MKLN1: variants seen among roughly 807,000 people sequenced by gnomAD.
MKLN1 encodes muskelin 1, also known as muskelin.
MKLN1 carries 18 observed loss-of-function variants against 99.0 expected under a neutral mutation model. The observed-to-expected ratio is 0.18, with a 90% CI of 0.13 to 0.27. The LOEUF is 0.27. MKLN1 is among the 10% of genes least tolerant of loss of function. The pLI, the probability that MKLN1 is intolerant of heterozygous loss-of-function variation, is 1.00. For missense variants in MKLN1, 621 were observed against 875.9 expected (o/e 0.71, Z 3.67); for synonymous variants, 288 against 293.2 (o/e 0.98, Z 0.18).
intron 3 of MKLN1, among the ~76,000 whole-genome samples, chr7:131,212,283 G>C (rs1796917381): frequency 6.6e-6 from 1 of 152,190 alleles, no homozygotes; most frequent in South Asian, 2.1e-4. Context: ...CCTGAAGGCT[G>C]TTTTGAGGCA....
At chr7:131,182,885 G>T (rs2250235) in intron 2 of MKLN1, among the ~76,000 whole-genome samples, 23,284 of 152,198 alleles carry the variant, frequency 0.15, 2,295 homozygotes, top group African/African-American at 0.28. Flanking sequence ...TGAAATGCCA[G>T]TGGGTTACAC....
chr7:131,131,028 G>A (rs1050288911), intron 1 of MKLN1, among the ~76,000 whole-genome samples: 1 of 139,138 alleles, frequency 7.2e-6, no homozygotes, highest in East Asian at 2.2e-4. Context: ...CTCCAGCCTG[G>A]GCAACAGAGG....
chr7:131,475,071 C>T (rs932793605), intron 16 of MKLN1, among the ~76,000 whole-genome samples: 2 of 152,110 alleles, frequency 1.3e-5, no homozygotes, highest in South Asian at 2.1e-4. Flanking sequence ...CCCCACCAAA[C>T]CCCTCCCCCA....
chr7:131,244,873 C>T (rs1797462150), intron 3 of MKLN1, among the ~76,000 whole-genome samples: 1 of 152,132 alleles, frequency 6.6e-6, no homozygotes, highest in Non-Finnish European at 1.5e-5. Context: ...TGCTTCTGGG[C>T]TCTGCTCTCT....
At chr7:131,259,770 C>T (rs4731775) in intron 3 of MKLN1, among the ~76,000 whole-genome samples, 83,933 of 151,902 alleles carry the variant, frequency 0.55, 24,818 homozygotes, top group Admixed American at 0.69. Flanking sequence ...GTGAAAGCAT[C>T]ACCACTATTT....
chr7:131,395,336 C>T (rs934012530), intron 4 of MKLN1, among the ~76,000 whole-genome samples: 3 of 151,826 alleles, frequency 2.0e-5, no homozygotes, highest in African/African-American at 7.3e-5. Flanking sequence ...TGGTTTGGTA[C>T]ACAACAAAAA....
chr7:131,481,813 CAAAA>C (rs35675974), intron 17 of MKLN1, among the ~76,000 whole-genome samples: 3 of 109,230 alleles, frequency 2.7e-5, no homozygotes, highest in Non-Finnish European at 3.9e-5. Context: ...CTAAGGTCTG[CAAAA>C]AAAAAAAAAA....
chr7:131,357,510 G>A (rs1055454377), intron 1 of MKLN1, among the ~76,000 whole-genome samples: 2 of 152,198 alleles, frequency 1.3e-5, no homozygotes, highest in Admixed American at 1.3e-4. Context: ...AATTTCTTAG[G>A]AATTCTTCTT....
At chr7:131,210,039 G>C (rs755549118) in intron 3 of MKLN1, among the ~76,000 whole-genome samples, 1 of 152,154 alleles carries the variant, frequency 6.6e-6, no homozygotes, top group African/African-American at 2.4e-5. Flanking sequence ...TATGAAAAAA[G>C]TAAAACTATT....
chr7:131,194,224 T>C (rs773616994), intron 2 of MKLN1, among the ~76,000 whole-genome samples: 20 of 152,128 alleles, frequency 1.3e-4, no homozygotes, highest in Non-Finnish European at 2.5e-4. Flanking sequence ...CACTTGCATC[T>C]AGTTCCAAAA....
In MKLN1 at chr7:131,116,076, C is replaced by T. The variant is rs145386952; in HGVS notation, c.-419+5869C>T. ...ATCCCAGCACTTTGGGATGCCGAGG[C>T]GGGCAGATCACGAGGTCAGGAGATC... On this transcript the variant is annotated intron_variant, in intron 1 of 7. Transcript: ENST00000416992. 4.3e-3 allele frequency among the ~76,000 whole-genome samples: 652 copies of T among 151,888 alleles called. 3 individuals are homozygous for T. Among genetic ancestry groups the T allele is most frequent in the African/African-American group, 7.4e-3 (307 of 41,350 alleles).
In MKLN1 at chr7:131,354,478, C is replaced by T. The variant is rs116329947; in HGVS notation, c.99-20946C>T. ...TGATTGTTGATCTTATATCCTGCAA[C>T]GTTGCTGAACTCATTAGTCCTAGGA... On this transcript the variant is annotated intron_variant, in intron 1 of 17. Coordinates refer to ENST00000352689, the MANE Select transcript of MKLN1 (RefSeq NM_013255.5). Among the ~76,000 whole-genome samples, 137 of 147,254 alleles carry T rather than the reference C, an allele frequency of 9.3e-4. 1 individual carries two copies. Among genetic ancestry groups the T allele is most frequent in the African/African-American group, 3.2e-3 (128 of 39,424 alleles).
At chr7:131,470,518 A>G (rs1008248000) in intron 15 of MKLN1, among the ~76,000 whole-genome samples, 1 of 152,202 alleles carries the variant, frequency 6.6e-6, no homozygotes, top group African/African-American at 2.4e-5. Flanking sequence ...TCTGTTTTAT[A>G]AAATACGTAG....
At chr7:131,392,318 G>A (rs1403688636) in intron 4 of MKLN1, among the ~76,000 whole-genome samples, 3 of 152,106 alleles carry the variant, frequency 2.0e-5, no homozygotes, top group Admixed American at 6.5e-5. Context: ...TCAGAGAGCG[G>A]CTTTAACTCT....
intron 3 of MKLN1, among the ~76,000 whole-genome samples, chr7:131,231,415 A>G (rs1015469174): frequency 2.6e-5 from 4 of 152,052 alleles, no homozygotes; most frequent in African/African-American, 9.7e-5. Context: ...GAACCTGTAC[A>G]GCTGTCTTCC....
intron 12 of MKLN1, among the ~76,000 whole-genome samples, chr7:131,447,203 A>G (rs1261559865): frequency 6.6e-6 from 1 of 152,230 alleles, no homozygotes. Flanking sequence ...CTATTACAAC[A>G]GGAAATTAGT....
At chr7:131,313,149 A>T (rs867888737) in intron 3 of MKLN1, among the ~76,000 whole-genome samples, 2 of 152,226 alleles carry the variant, frequency 1.3e-5, no homozygotes, top group South Asian at 4.1e-4. Flanking sequence ...AGACGTTTCT[A>T]TTTTACTTTA....
intron 3 of MKLN1, among the ~76,000 whole-genome samples, chr7:131,241,435 G>A (rs369012928): frequency 6.6e-5 from 10 of 150,722 alleles, no homozygotes; most frequent in East Asian, 1.9e-4. Context: ...GCCCAGGGGC[G>A]GTGGCTCACG....
intron 2 of MKLN1, among the ~76,000 whole-genome samples, chr7:131,158,428 C>T (rs2895223): frequency 0.54 from 82,177 of 151,756 alleles, 23,369 homozygotes; most frequent in Non-Finnish European, 0.64. Context: ...AGTGAAACTC[C>T]ATCTCAAACA....
Sources: gnomAD v4.1 joint callset for allele counts (sites outside exome capture counted in the v4.1 genomes callset) on GRCh38, gnomAD v4.1.1 for gene constraint, MANE v1.5 for transcripts, NCBI Gene and HGNC (gene_info 2026-07-23, HGNC 2026-07-21) for gene names.